The following LHFPL2 variants were observed in gnomAD, a reference collection of about 807,000 sequenced individuals.
LHFPL2 encodes the protein LHFPL tetraspan subfamily member 2 protein.
In LHFPL2, 7 loss-of-function variants were observed where a neutral mutation model predicts 17.5. The observed-to-expected ratio is 0.40, with a 90% CI of 0.23 to 0.75. The LOEUF (loss-of-function observed/expected upper bound fraction) is 0.75, where lower values mean the gene tolerates loss of function less well. Among genes scored for constraint, LHFPL2 ranks in the 30% least tolerant of loss-of-function variants. The pLI is 0.37. For synonymous variants in LHFPL2, 134 were observed against 116.2 expected (o/e 1.15, Z -0.99); for missense variants, 241 against 294.8 (o/e 0.82, Z 1.34).
chr5:78,609,477 G>A (rs201447750), intron 2 of LHFPL2, among the ~76,000 whole-genome samples: 1,073 of 94,124 alleles, frequency 0.011, 32 homozygotes, highest in African/African-American at 0.04. Context: ...AAAAAAAAAA[G>A]AGAGAGAGCT....
rs1745964541 is a variant in LHFPL2, at chr5:78,648,355, A to C, written c.-350+144T>G. 1.3e-5 allele frequency: 2 copies of C among 152,052 alleles called. No homozygotes were observed. The highest frequency in any genetic ancestry group is 2.4e-5 in the African/African-American group (1 of 41,520). The allele number at this position is 152,052 out of a possible 1,614,324, so 9.4% of individuals were successfully genotyped here. On this transcript the variant is annotated intron_variant, in intron 1 of 4. Transcript: ENST00000380345. The surrounding 1 kb of genome is among the most constrained non-coding windows in gnomAD (Gnocchi z 5.4). ...GCGGTCTCCCAGGGCGCCGAAGCGA[A>C]GTTCCCGCGCCAGCCGCGGCTCAAG...
intron 3 of LHFPL2, 54 bp from the exon 4 acceptor site, chr5:78,510,452 C>T (rs1354848993): frequency 1.6e-5 from 8 of 511,900 alleles, no homozygotes; most frequent in South Asian, 2.7e-5. Flanking sequence ...CCCGCCTTCC[C>T]GCCGCGCAGC....
chr5:78,580,054 G>C (rs897884047), intron 2 of LHFPL2, among the ~76,000 whole-genome samples: 5 of 152,210 alleles, frequency 3.3e-5, no homozygotes, highest in African/African-American at 9.7e-5. Context: ...ACTGGTATGA[G>C]ATGGTATCTC....
At chr5:78,582,755 A>G (rs894910863) in intron 2 of LHFPL2, among the ~76,000 whole-genome samples, 6 of 152,216 alleles carry the variant, frequency 3.9e-5, no homozygotes, top group South Asian at 2.1e-4. Flanking sequence ...AAAAAAATGT[A>G]TATTCTGTTG....
intron 2 of LHFPL2, among the ~76,000 whole-genome samples, chr5:78,579,253 A>T (rs1022085008): frequency 1.3e-5 from 2 of 151,706 alleles, no homozygotes; most frequent in Admixed American, 6.6e-5. Context: ...GGGGAGCAGG[A>T]GAGGGTGGAG....
intron 2 of LHFPL2, among the ~76,000 whole-genome samples, chr5:78,572,954 G>A (rs1354158890): frequency 6.6e-6 from 1 of 152,160 alleles, no homozygotes; most frequent in Non-Finnish European, 1.5e-5. Context: ...TAGGGTTTGT[G>A]CTCCTATGAG....
intron 2 of LHFPL2, among the ~76,000 whole-genome samples, chr5:78,615,925 A>C (rs889132601): frequency 1.3e-5 from 2 of 152,088 alleles, no homozygotes; most frequent in Non-Finnish European, 2.9e-5. Flanking sequence ...TCCACAGAAG[A>C]GAGGTTACCT....
intron 2 of LHFPL2, chr5:78,625,210 C>T (rs1561370844): frequency 3.0e-5 from 2 of 67,034 alleles, no homozygotes; most frequent in Admixed American, 1.1e-4. Flanking sequence ...TATACGTACA[C>T]ACACACACAC....
At chr5:78,605,586 T>C (rs979541149) in intron 2 of LHFPL2, among the ~76,000 whole-genome samples, 6 of 152,156 alleles carry the variant, frequency 3.9e-5, no homozygotes, top group South Asian at 2.1e-4. Flanking sequence ...CCTTACAACA[T>C]AGGCTTCTAA....
At chr5:78,532,132 C>T (rs1755802061) in intron 3 of LHFPL2, among the ~76,000 whole-genome samples, 1 of 152,116 alleles carries the variant, frequency 6.6e-6, no homozygotes, top group Non-Finnish European at 1.5e-5. Flanking sequence ...CCATGTTGGC[C>T]AGGCTGGTCT....
At chr5:78,511,840 G>A (rs915057583) in intron 3 of LHFPL2, among the ~76,000 whole-genome samples, 18 of 152,144 alleles carry the variant, frequency 1.2e-4, no homozygotes, top group Admixed American at 3.3e-4. Flanking sequence ...GCACTACTAG[G>A]AACATATGCA....
At chr5:78,555,634 T>C (rs562699795) in intron 3 of LHFPL2, among the ~76,000 whole-genome samples, 17 of 152,260 alleles carry the variant, frequency 1.1e-4, no homozygotes, top group Non-Finnish European at 2.1e-4. Flanking sequence ...AGAGTTTCAC[T>C]TGGGGGCATG....
intron 2 of LHFPL2, among the ~76,000 whole-genome samples, chr5:78,603,363 C>A (rs1181779198): frequency 6.6e-6 from 1 of 152,166 alleles, no homozygotes; most frequent in African/African-American, 2.4e-5. Flanking sequence ...ACTGTTATCC[C>A]CCATCAGTAA....
intron 3 of LHFPL2, among the ~76,000 whole-genome samples, chr5:78,534,749 C>T (rs1030563597): frequency 6.6e-6 from 1 of 152,164 alleles, no homozygotes; most frequent in Non-Finnish European, 1.5e-5. Context: ...GTCAGGAGGC[C>T]CCATCAACAG....
chr5:78,542,685 C>T (rs1261874244), intron 3 of LHFPL2, among the ~76,000 whole-genome samples: 5 of 152,174 alleles, frequency 3.3e-5, no homozygotes, highest in Non-Finnish European at 7.3e-5. Flanking sequence ...GCTTCTCCCA[C>T]TGAAAGGGGT....
chr5:78,614,611 A>T (rs2112490472), intron 2 of LHFPL2, among the ~76,000 whole-genome samples: 1 of 152,350 alleles, frequency 6.6e-6, no homozygotes, highest in Admixed American at 6.5e-5. Flanking sequence ...TCATTTTGTT[A>T]CATTTGAACT....
At chr5:78,634,144 A>T (rs1283025033) in intron 1 of LHFPL2, among the ~76,000 whole-genome samples, 1 of 152,240 alleles carries the variant, frequency 6.6e-6, no homozygotes, top group Non-Finnish European at 1.5e-5. Context: ...TTCTGTAAAC[A>T]GCAGACAAGT....
At chr5:78,605,299 G>A (rs1285627686) in intron 2 of LHFPL2, among the ~76,000 whole-genome samples, 2 of 152,096 alleles carry the variant, frequency 1.3e-5, no homozygotes, top group Non-Finnish European at 2.9e-5. Flanking sequence ...GGCAATCAAC[G>A]CAACTTCAAA....
intron 4 of LHFPL2, among the ~76,000 whole-genome samples, chr5:78,500,982 T>C (rs930657177): frequency 1.3e-5 from 2 of 152,202 alleles, no homozygotes; most frequent in Non-Finnish European, 2.9e-5. Flanking sequence ...TCCACAGATA[T>C]GTGCCTGTCA....
Sources: gnomAD v4.1 joint callset for allele counts (sites outside exome capture counted in the v4.1 genomes callset) on GRCh38, gnomAD v4.1.1 for gene constraint, Gnocchi (gnomAD v3.1) non-coding constraint, MANE v1.5 for transcripts, NCBI Gene and HGNC (gene_info 2026-07-23, HGNC 2026-07-21) for gene names.